TBC1D19: variants seen among roughly 807,000 people sequenced by gnomAD.
The protein encoded by TBC1D19 is TBC1 domain family member 19.
In TBC1D19, 60 loss-of-function variants were observed where a neutral mutation model predicts 89.0. The observed-to-expected ratio is 0.67, with a 90% CI of 0.55 to 0.84. The LOEUF (loss-of-function observed/expected upper bound fraction) is 0.84. Among genes scored for constraint, TBC1D19 ranks in the 40% least tolerant of loss-of-function variants. TBC1D19 has a pLI of 0.00. For synonymous variants in TBC1D19, 189 were observed against 199.7 expected (o/e 0.95, Z 0.45); for missense variants, 500 against 610.8 (o/e 0.82, Z 1.91).
intron 13 of TBC1D19, among the ~76,000 whole-genome samples, chr4:26,707,675 C>T (rs2109231974): frequency 6.6e-6 from 1 of 151,790 alleles, no homozygotes; most frequent in South Asian, 2.1e-4. Context: ...GAAATGTTTA[C>T]ATTTCTTTCT....
chr4:26,848,997 C>T, the TBC1D19 span, among the ~76,000 whole-genome samples: 2 of 152,150 alleles, frequency 1.3e-5, no homozygotes, highest in African/African-American at 4.8e-5. Flanking sequence ...GTTTGAGACC[C>T]TGTCTCCACA....
chr4:26,747,546 G>A (rs1373980676), intron 18 of TBC1D19, among the ~76,000 whole-genome samples: 2 of 152,120 alleles, frequency 1.3e-5, no homozygotes, highest in African/African-American at 4.8e-5. Flanking sequence ...GTCCTTTTCT[G>A]TCTTTTAAGA....
At chr4:26,727,360 C>T (rs1325327272) in intron 15 of TBC1D19, among the ~76,000 whole-genome samples, 4 of 152,158 alleles carry the variant, frequency 2.6e-5, no homozygotes, top group East Asian at 1.9e-4. Flanking sequence ...TTCAACAAAG[C>T]GGACTGTGTA....
At chr4:26,748,653 T>C in intron 19 of TBC1D19, 127 bp downstream of exon 19, 4 of 701,902 alleles carry the variant, frequency 5.7e-6, no homozygotes, top group Non-Finnish European at 9.5e-6. Flanking sequence ...TTAATAGATA[T>C]ATCTGGCTTT....
At chr4:26,670,320 T>C (rs1313590210) in intron 9 of TBC1D19, among the ~76,000 whole-genome samples, 1 of 151,340 alleles carries the variant, frequency 6.6e-6, no homozygotes, top group African/African-American at 2.4e-5. Flanking sequence ...ACTTCAGAAA[T>C]ATTAGGACTA....
chr4:26,849,690 C>T, the TBC1D19 span, among the ~76,000 whole-genome samples: 6 of 152,104 alleles, frequency 3.9e-5, no homozygotes, highest in South Asian at 2.1e-4. Flanking sequence ...AGATTAATGC[C>T]CTTTGCAAAT....
chr4:26,609,496 G>C (rs1486006030), intron 1 of TBC1D19, among the ~76,000 whole-genome samples: 1 of 152,252 alleles, frequency 6.6e-6, no homozygotes, highest in South Asian at 2.1e-4. Flanking sequence ...GGTAGTGAGA[G>C]AGCACTTCCA....
the TBC1D19 span, among the ~76,000 whole-genome samples, chr4:26,851,100 T>G: frequency 6.6e-6 from 1 of 152,232 alleles, no homozygotes; most frequent in Admixed American, 6.5e-5. Context: ...CTTTAGACTC[T>G]GGGACTGGCA....
At chr4:26,706,952 A>T (rs76617769) in intron 13 of TBC1D19, among the ~76,000 whole-genome samples, 1,819 of 151,988 alleles carry the variant, frequency 0.012, 21 homozygotes, top group Admixed American at 0.018. Context: ...CTAATATATG[A>T]TCTATCTGGA....
chr4:26,646,319 G>A (rs896213890), intron 7 of TBC1D19, among the ~76,000 whole-genome samples: 1 of 152,104 alleles, frequency 6.6e-6, no homozygotes, highest in Non-Finnish European at 1.5e-5. Flanking sequence ...GAAACAACAG[G>A]TGCTGGAGAG....
At chr4:26,738,429 A>C (rs1160559030) in intron 16 of TBC1D19, among the ~76,000 whole-genome samples, 5 of 151,836 alleles carry the variant, frequency 3.3e-5, no homozygotes. Flanking sequence ...ATTTATAATA[A>C]TACCATATAT....
intron 4 of TBC1D19, among the ~76,000 whole-genome samples, chr4:26,626,202 G>A (rs1742387509): frequency 6.6e-6 from 1 of 152,080 alleles, no homozygotes; most frequent in South Asian, 2.1e-4. Flanking sequence ...CATGTTAAAG[G>A]TTTGGAGAAG....
At chr4:26,722,995 G>C (rs1717072008) in intron 15 of TBC1D19, among the ~76,000 whole-genome samples, 1 of 152,150 alleles carries the variant, frequency 6.6e-6, no homozygotes, top group South Asian at 2.1e-4. Context: ...GCTCATTATA[G>C]TGAATTTGGG....
chr4:26,679,881 G>T (rs369370410), intron 11 of TBC1D19, among the ~76,000 whole-genome samples: 3 of 152,218 alleles, frequency 2.0e-5, no homozygotes, highest in Admixed American at 2.0e-4. Context: ...TTTGGGAGGG[G>T]CCAGGGTAGA....
At chr4:26,799,328 C>A in the TBC1D19 span, among the ~76,000 whole-genome samples, 1 of 151,970 alleles carries the variant, frequency 6.6e-6, no homozygotes. Flanking sequence ...TGAAGCAAGA[C>A]CCTGTCTCAA....
intron 1 of TBC1D19, among the ~76,000 whole-genome samples, chr4:26,610,197 T>C (rs951427393): frequency 6.6e-6 from 1 of 152,050 alleles, no homozygotes; most frequent in Middle Eastern, 3.4e-3. Context: ...TTTCCTGTCT[T>C]TTTTGAAACT....
chr4:26,594,558 TAAACTC>T (rs1740070308), intron 1 of TBC1D19, among the ~76,000 whole-genome samples: 1 of 152,186 alleles, frequency 6.6e-6, no homozygotes, highest in Admixed American at 6.5e-5. Flanking sequence ...ATTAGACAGA[TAAACTC>T]AAGCCGTAAA....
the TBC1D19 span, among the ~76,000 whole-genome samples, chr4:26,815,775 G>A: frequency 1.3e-3 from 193 of 152,278 alleles, no homozygotes; most frequent in African/African-American, 4.4e-3. Flanking sequence ...CTGTCTTGTC[G>A]GTAATGTATA....
chr4:26,590,909 C>T (rs972326667), intron 1 of TBC1D19, among the ~76,000 whole-genome samples: 2 of 144,090 alleles, frequency 1.4e-5, no homozygotes, highest in African/African-American at 5.1e-5. Flanking sequence ...ACTCAGTCTC[C>T]TAAGTAGCTG....
Sources: gnomAD v4.1 joint callset for allele counts (sites outside exome capture counted in the v4.1 genomes callset) on GRCh38, gnomAD v4.1.1 for gene constraint, MANE v1.5 for transcripts, NCBI Gene and HGNC (gene_info 2026-07-23, HGNC 2026-07-21) for gene names.